Variants in TMOD3 observed in about 807,000 individuals in gnomAD.
The protein encoded by TMOD3 is tropomodulin 3.
A neutral mutation model predicts 39.2 loss-of-function variants in TMOD3; 20 were observed. The observed-to-expected ratio is 0.51, with a 90% CI of 0.36 to 0.74. TMOD3 has a LOEUF of 0.74. Ranked by LOEUF, TMOD3 falls within the 30% of genes least tolerant of loss-of-function variation. TMOD3 has a pLI of 0.00. For missense variants in TMOD3, 381 were observed against 412.8 expected (o/e 0.92, Z 0.67); for synonymous variants, 143 against 145.8 (o/e 0.98, Z 0.14).
chr15:51,832,698 T>C (rs2056262636), intron 1 of TMOD3, among the ~76,000 whole-genome samples: 1 of 151,936 alleles, frequency 6.6e-6, no homozygotes, highest in Admixed American at 6.6e-5. Flanking sequence ...ATCAATTATA[T>C]CTGAGCAATA....
rs1018645281 is a variant in TMOD3 at position 51,850,180 on chromosome 15, T to A, written c.-74-12631T>A. Among the ~76,000 whole-genome samples the A allele has an allele frequency of 1.2e-4, 18 of 152,146 alleles. No individual in the cohort carries two copies. The South Asian group carries it at 3.7e-3, about 32-fold the overall frequency. ...GTGAAGTAGAAGGAGAGTTTATATGTTTTTTATTTGAGGTATGTATTACAG... is the reference window on the plus strand; with the variant it reads ...GTGAAGTAGAAGGAGAGTTTATATGATTTTTATTTGAGGTATGTATTACAG... On this transcript the variant is annotated intron_variant, in intron 1 of 9. Transcript: ENST00000308580.
At chr15:51,875,913 C>T (rs948373201) in intron 3 of TMOD3, among the ~76,000 whole-genome samples, 16 of 152,022 alleles carry the variant, frequency 1.1e-4, no homozygotes, top group Non-Finnish European at 1.5e-4. Context: ...CCACCGTGCC[C>T]GGCCTAAAGT....
chr15:51,885,006 C>CATCT (rs1020960146), intron 3 of TMOD3, among the ~76,000 whole-genome samples: 1 of 151,994 alleles, frequency 6.6e-6, no homozygotes, highest in African/African-American at 2.4e-5. Context: ...GCTGCATCAG[C>CATCT]ATCTACACTT....
intron 3 of TMOD3, among the ~76,000 whole-genome samples, chr15:51,882,817 T>TAA (rs139359647): frequency 6.8e-6 from 1 of 147,176 alleles, no homozygotes; most frequent in Non-Finnish European, 1.5e-5. Context: ...TCACTTTCTA[T>TAA]AAAAAAAAAA....
intron 1 of TMOD3, among the ~76,000 whole-genome samples, chr15:51,843,826 A>G (rs1329564895): frequency 6.6e-6 from 1 of 152,070 alleles, no homozygotes; most frequent in Non-Finnish European, 1.5e-5. Flanking sequence ...AAAGCTGTGG[A>G]ACTTGGGAGA....
In TMOD3 at chr15:51,872,659, C is replaced by A. The variant is rs6493529; in HGVS notation, c.283+3286C>A. On this transcript the variant is annotated intron_variant, in intron 3 of 9. Transcript: ENST00000308580. ...AGGACTCACTCTCTTGTTGCCCAGG[C>A]TGGAATGCAGTGGCACTGCAACCTG... Among the ~76,000 whole-genome samples, 883 of 148,698 alleles carry A rather than the reference C, an allele frequency of 5.9e-3. 8 individuals carry two copies. The highest frequency in any genetic ancestry group is 0.021 in the African/African-American group (838 of 40,184).
chr15:51,880,750 C>T (rs2056528669), intron 3 of TMOD3, among the ~76,000 whole-genome samples: 1 of 152,084 alleles, frequency 6.6e-6, no homozygotes, highest in African/African-American at 2.4e-5. Flanking sequence ...GGGTTGTTGC[C>T]ACTTTTTAGC....
chr15:51,864,264 CAAA>C (rs33983902), intron 2 of TMOD3, among the ~76,000 whole-genome samples: 1 of 104,010 alleles, frequency 9.6e-6, no homozygotes, highest in Non-Finnish European at 1.9e-5. Flanking sequence ...AGACTTATCT[CAAA>C]AAAAAAAAAA....
In TMOD3 at chr15:51,910,172, AG is replaced by A. The variant is rs1455804452; in HGVS notation, c.*1363del. ...AACAGGGAGGAATGGAATCTGAGGTAGCCCTGGCCTCAAAATTCAGGCCTGG... is the reference window on the plus strand; with the variant it reads ...AACAGGGAGGAATGGAATCTGAGGTACCCTGGCCTCAAAATTCAGGCCTGG... On this transcript the variant is annotated 3_prime_UTR_variant, in exon 10 of 10. Transcript: ENST00000308580. 6.6e-6 allele frequency: 1 copy of A among 152,268 alleles called. No homozygotes were observed. The highest frequency in any genetic ancestry group is 1.5e-5 in the Non-Finnish European group (1 of 68,050). The allele number at this position is 152,268 out of a possible 1,614,324, so 9.4% of individuals were successfully genotyped here.
chr15:51,884,007 G>C (rs2056547415), intron 3 of TMOD3, among the ~76,000 whole-genome samples: 1 of 152,190 alleles, frequency 6.6e-6, no homozygotes, highest in Non-Finnish European at 1.5e-5. Flanking sequence ...TTAATCACCA[G>C]AATTCCAAAA....
intron 3 of TMOD3, among the ~76,000 whole-genome samples, chr15:51,872,054 A>C (rs907637404): frequency 6.6e-6 from 1 of 152,196 alleles, no homozygotes; most frequent in Non-Finnish European, 1.5e-5. Context: ...TATGTAGCTC[A>C]GTGAATTATA....
chr15:51,885,951 C>G (rs2056559848), intron 3 of TMOD3, among the ~76,000 whole-genome samples: 1 of 150,536 alleles, frequency 6.6e-6, no homozygotes, highest in Non-Finnish European at 1.5e-5. Context: ...GGGTGGCTGG[C>G]CGGGCAGGGG....
chr15:51,876,223 C>T (rs1180253463), intron 3 of TMOD3, among the ~76,000 whole-genome samples: 5 of 152,056 alleles, frequency 3.3e-5, no homozygotes, highest in South Asian at 4.1e-4. Context: ...GACTGGAGAG[C>T]GGTGGCATGA....
In TMOD3 at chr15:51,835,588, C is replaced by T. The variant is rs1484042973; in HGVS notation, c.-75+5752C>T. Reference sequence around the variant, plus strand: ...CATCCCAAAGTGCTGGGATTACAGGCGTGAGCCACCACACCCAGCCTTAGT... The same window carrying T: ...CATCCCAAAGTGCTGGGATTACAGGTGTGAGCCACCACACCCAGCCTTAGT... On this transcript the variant is annotated intron_variant, in intron 1 of 9. Coordinates refer to ENST00000308580, the MANE Select transcript of TMOD3 (RefSeq NM_014547.5). Among the ~76,000 whole-genome samples the T allele has an allele frequency of 8.5e-5, 13 of 152,262 alleles. No homozygotes were observed. The South Asian group carries it at 1.7e-3, about 19-fold the overall frequency.
intron 1 of TMOD3, among the ~76,000 whole-genome samples, chr15:51,846,208 A>G (rs894385435): frequency 5.3e-5 from 8 of 151,326 alleles, no homozygotes; most frequent in Non-Finnish European, 1.0e-4. Flanking sequence ...GCACGCACCT[A>G]TTGTCCCAGC....
At position 51,881,550 on chromosome 15, in the gene TMOD3, C is replaced by CTTTTTTTTTTTTTTTT. The variant is rs753814979; in HGVS notation, c.284-6026_284-6011dup. Among the ~76,000 whole-genome samples the CTTTTTTTTTTTTTTTT allele has an allele frequency of 1.9e-4, 12 of 61,840 alleles. 1 individual carries two copies. The highest frequency in any genetic ancestry group is 7.5e-4 in the African/African-American group (11 of 14,602). The allele number at this position is 61,840 out of a possible 152,430, so 40.6% of individuals were successfully genotyped here. A position where few individuals can be genotyped will look rare whatever the true frequency, so the allele number is the denominator to read the frequency against. On this transcript the variant is annotated intron_variant, in intron 3 of 9. Transcript: ENST00000308580. ...ACGGAGATACAATCTTTCTTTATTTCTTTTTTTTTTTTTTTTTTTTTTTTT... is the reference window on the plus strand; with the variant it reads ...ACGGAGATACAATCTTTCTTTATTTCTTTTTTTTTTTTTTTTTTTTTTTTTTTTTTTTTTTTTTTTT...
At chr15:51,842,362 C>T (rs761082912) in intron 1 of TMOD3, among the ~76,000 whole-genome samples, 12 of 152,082 alleles carry the variant, frequency 7.9e-5, no homozygotes, top group Non-Finnish European at 1.3e-4. Context: ...ATTTATATAC[C>T]GTCAACTTTA....
intron 3 of TMOD3, among the ~76,000 whole-genome samples, chr15:51,879,767 A>T (rs2056523043): frequency 6.6e-6 from 1 of 151,960 alleles, no homozygotes; most frequent in South Asian, 2.1e-4. Context: ...AGTTTAAGGA[A>T]CACTGACAGA....
intron 9 of TMOD3, among the ~76,000 whole-genome samples, chr15:51,902,644 ATTTTTT>A (rs200954393): frequency 2.1e-5 from 2 of 94,986 alleles, no homozygotes; most frequent in African/African-American, 8.6e-5. Context: ...TAATTTTTGT[ATTTTTT>A]TTTTTTTTTT....
Sources: gnomAD v4.1 joint callset for allele counts (sites outside exome capture counted in the v4.1 genomes callset) on GRCh38, gnomAD v4.1.1 for gene constraint, MANE v1.5 for transcripts, NCBI Gene and HGNC (gene_info 2026-07-23, HGNC 2026-07-21) for gene names.